Variants in ZFHX3 observed in about 807,000 individuals in gnomAD.
The protein encoded by ZFHX3 is zinc finger homeobox 3, also known as zinc finger homeobox protein 3.
Under a neutral mutation model 279.1 loss-of-function variants are expected in ZFHX3, and 42 were observed. That is an observed-to-expected ratio of 0.15 (90% CI 0.12 to 0.19). The LOEUF (loss-of-function observed/expected upper bound fraction) is 0.19, where lower values mean the gene tolerates loss of function less well. Ranked by LOEUF, ZFHX3 falls within the 10% of genes least tolerant of loss-of-function variation. The pLI, the probability that ZFHX3 is intolerant of heterozygous loss-of-function variation, is 1.00. For synonymous variants in ZFHX3, 2,293 were observed against 1,957.8 expected (o/e 1.17, Z -4.52); for missense variants, 4,981 against 4,754.0 (o/e 1.05, Z -1.40).
intron 1 of ZFHX3, among the ~76,000 whole-genome samples, chr16:73,854,458 C>A (rs2142383146): frequency 6.6e-6 from 1 of 152,168 alleles, no homozygotes; most frequent in Non-Finnish European, 1.5e-5. Context: ...ACCCAGGAGG[C>A]AGTTGCAATG....
intron 1 of ZFHX3, among the ~76,000 whole-genome samples, chr16:73,788,188 C>T (rs980547797): frequency 6.6e-6 from 1 of 152,160 alleles, no homozygotes; most frequent in African/African-American, 2.4e-5. Flanking sequence ...AATTCTGAGC[C>T]AGGTAGGGAA....
chr16:73,697,816 T>C (rs987985728), intron 1 of ZFHX3, among the ~76,000 whole-genome samples: 1 of 152,078 alleles, frequency 6.6e-6, no homozygotes, highest in Non-Finnish European at 1.5e-5. Flanking sequence ...CAAATACTGG[T>C]ATGGTTGTAT....
At chr16:73,173,008 G>GTTTTTTTTTTTTTTTTTTTTTTTTTT (rs869289153) in intron 5 of ZFHX3, among the ~76,000 whole-genome samples, 1 of 49,948 alleles carries the variant, frequency 2.0e-5, no homozygotes, top group Non-Finnish European at 3.2e-5. Context: ...TTTTTTTTTT[G>GTTTTTTTTTTTTTTTTTTTTTTTTTT]TTTTTTTTTT....
At chr16:73,428,967 G>A (rs2017861251) in intron 3 of ZFHX3, among the ~76,000 whole-genome samples, 1 of 152,072 alleles carries the variant, frequency 6.6e-6, no homozygotes, top group Non-Finnish European at 1.5e-5. Context: ...CTTCCTTCAC[G>A]AGGCCACCAA....
At position 72,889,833 on chromosome 16, in the gene ZFHX3, C is replaced by T. The variant is rs750992243; in HGVS notation, c.3346G>A (p.Glu1116Lys). Residue 1116 changes from glutamate to lysine, a missense_variant, in exon 4 of 10, where the codon GAG (glutamate) becomes AAG (lysine). Physicochemically the swap from Glu to Lys is moderately conservative, Grantham distance 56. This residue lies in a region of ZFHX3 where 1,751 missense variants were observed against 1,770.0 expected (regional missense o/e 0.99). Coordinates refer to ENST00000268489, the MANE Select transcript of ZFHX3 (RefSeq NM_006885.4). ...HVRSMKHQRS[E>K]SLRKLQRLQK... The stretch of plus-strand genomic sequence containing the variant: ...AGCCGCTGCAGCTTTCGCAGGCTCT[C>T]GCTTCGCTGGTGCTTCATGGAGCGC... 26 of 1,613,966 alleles carry T rather than the reference C, an allele frequency of 1.6e-5. No homozygotes were observed. The highest frequency in any genetic ancestry group is 2.0e-5 in the Non-Finnish European group (24 of 1,180,056).
At chr16:73,180,295 C>G (rs1406924712) in intron 5 of ZFHX3, among the ~76,000 whole-genome samples, 1 of 152,148 alleles carries the variant, frequency 6.6e-6, no homozygotes, top group African/African-American at 2.4e-5. Flanking sequence ...ATTCAGGGCT[C>G]ATACCCATTC....
Position 72,797,362 on chromosome 16 carries a change from G to A in ZFHX3, c.5320C>T (p.Pro1774Ser), listed in dbSNP as rs754493182. The A allele has an allele frequency of 2.5e-6, 4 of 1,600,906 alleles. No individual in the cohort carries two copies. The highest frequency in any genetic ancestry group is 3.4e-6 in the Non-Finnish European group (4 of 1,173,400). ...ATGGGGAAGTGAGGAAGGAGGGTGG[G>A]GTTAAACAGCTGAGACTGGATCAGG... ...AALIQSQLFN[P>S]TLLPHFPMTT... Residue 1774 changes from proline to serine, a missense_variant, in exon 9 of 10, where the codon CCC becomes TCC. Transcript: ENST00000268489.
intron 2 of ZFHX3, among the ~76,000 whole-genome samples, chr16:73,550,769 G>A (rs941168306): frequency 5.3e-5 from 8 of 152,182 alleles, no homozygotes; most frequent in African/African-American, 9.7e-5. Flanking sequence ...GTTTCCCAGG[G>A]AAGTAGAGAA....
intron 4 of ZFHX3, among the ~76,000 whole-genome samples, chr16:73,259,621 A>C (rs1280330446): frequency 2.0e-5 from 3 of 152,190 alleles, no homozygotes; most frequent in African/African-American, 7.2e-5. Context: ...ATAGCAGGCA[A>C]TTTGATGAAA....
chr16:73,157,971 A>G (rs993382931), intron 5 of ZFHX3, among the ~76,000 whole-genome samples: 1 of 152,084 alleles, frequency 6.6e-6, no homozygotes, highest in African/African-American at 2.4e-5. Flanking sequence ...CAGAAGTGAC[A>G]GTTTTTGTGA....
At chr16:73,483,435 T>A (rs757385080) in intron 2 of ZFHX3, 2 of 450,718 alleles carry the variant, frequency 4.4e-6, no homozygotes, top group South Asian at 3.1e-5. Flanking sequence ...GAGAAGGAGG[T>A]AATCAAGAAA....
At chr16:73,798,955 AAC>A (rs1245640737) in intron 1 of ZFHX3, among the ~76,000 whole-genome samples, 2 of 152,144 alleles carry the variant, frequency 1.3e-5, no homozygotes, top group African/African-American at 4.8e-5. Flanking sequence ...AATAATCAGA[AAC>A]AGACTCCTAG....
At chr16:73,007,647 T>C (rs998870872) in intron 1 of ZFHX3, among the ~76,000 whole-genome samples, 6 of 152,080 alleles carry the variant, frequency 3.9e-5, no homozygotes, top group African/African-American at 1.4e-4. Flanking sequence ...TGGGTTTCAC[T>C]ATGTTGGCCA....
intron 3 of ZFHX3, among the ~76,000 whole-genome samples, chr16:73,416,169 A>T (rs2017577057): frequency 6.6e-6 from 1 of 151,640 alleles, no homozygotes; most frequent in Non-Finnish European, 1.5e-5. Context: ...AACAAAAAAC[A>T]GAGAGAAAAC....
chr16:73,390,507 C>T (rs192831351), intron 3 of ZFHX3, among the ~76,000 whole-genome samples: 21 of 152,100 alleles, frequency 1.4e-4, no homozygotes, highest in Admixed American at 7.2e-4. Flanking sequence ...GGGATTCCAC[C>T]GGAAATCTGG....
At chr16:72,916,677 T>G (rs1429849406) in intron 3 of ZFHX3, among the ~76,000 whole-genome samples, 1 of 152,170 alleles carries the variant, frequency 6.6e-6, no homozygotes, top group Non-Finnish European at 1.5e-5. Flanking sequence ...AAAGAAAATG[T>G]CTAGAAACAG....
rs772608625 is a variant in ZFHX3 at position 72,788,230 on chromosome 16, G to A, written c.10046C>T (p.Ser3349Leu). ...EGLFPYSPAL[S>L]QALMGLSPGS... Reference sequence around the variant, plus strand: ...TGGGGACAGCCCCATCAGGGCCTGCGACAGTGCAGGGCTGTAGGGGAACAG... The same window carrying A: ...TGGGGACAGCCCCATCAGGGCCTGCAACAGTGCAGGGCTGTAGGGGAACAG... The change falls in exon 10 of 10, where the codon TCG becomes TTG. Residue 3349 changes from serine (S) to leucine (L), a missense_variant. By Grantham distance (145) the Ser-to-Leu change is moderately radical. This residue lies in a region of ZFHX3 where 1,034 missense variants were observed against 786.0 expected (regional missense o/e 1.32). Transcript: ENST00000268489. 1.3e-5 allele frequency: 21 copies of A among 1,613,752 alleles called. No individual in the cohort carries two copies. Among genetic ancestry groups the A allele is most frequent in the South Asian group, 2.2e-5 (2 of 91,072 alleles).
intron 1 of ZFHX3, among the ~76,000 whole-genome samples, chr16:73,831,148 C>T (rs1960985030): frequency 6.6e-6 from 1 of 152,196 alleles, no homozygotes; most frequent in African/African-American, 2.4e-5. Context: ...AGGCAACTCC[C>T]AGGGTATTCA....
intron 3 of ZFHX3, among the ~76,000 whole-genome samples, chr16:72,914,302 T>G (rs2039388496): frequency 6.6e-6 from 1 of 152,144 alleles, no homozygotes; most frequent in Non-Finnish European, 1.5e-5. Context: ...TGGCAGAGAA[T>G]CCAGAACACA....
Sources: gnomAD v4.1 joint callset for allele counts (sites outside exome capture counted in the v4.1 genomes callset) on GRCh38, gnomAD v4.1.1 for gene constraint, gnomAD v4.1.1 regional missense constraint, MANE v1.5 for transcripts, NCBI Gene and HGNC (gene_info 2026-07-23, HGNC 2026-07-21) for gene names.